The following BCAS1 variants were observed in gnomAD, a reference collection of about 807,000 sequenced individuals.
BCAS1 encodes breast carcinoma-amplified sequence 1.
A neutral mutation model predicts 65.4 loss-of-function variants in BCAS1; 46 were observed. The observed-to-expected ratio is 0.70, with a 90% CI of 0.55 to 0.90. The LOEUF (loss-of-function observed/expected upper bound fraction) is 0.90. BCAS1 is among the 40% of genes least tolerant of loss of function. The pLI is 0.00. For missense variants in BCAS1, 793 were observed against 771.2 expected (o/e 1.03, Z -0.33); for synonymous variants, 298 against 293.5 (o/e 1.02, Z -0.16).
At chr20:54,055,494 A>G (rs747676974) in intron 3 of BCAS1, among the ~76,000 whole-genome samples, 28 of 152,194 alleles carry the variant, frequency 1.8e-4, no homozygotes, top group Non-Finnish European at 2.9e-4. Flanking sequence ...TACCATGAAA[A>G]CAGTATGGGG....
intron 8 of BCAS1, among the ~76,000 whole-genome samples, chr20:53,979,194 T>C (rs2090414424): frequency 6.6e-6 from 1 of 152,182 alleles, no homozygotes; most frequent in South Asian, 2.1e-4. Flanking sequence ...CTATAGGCTT[T>C]TCTACAAGCC....
chr20:53,991,704 T>A (rs539103263), intron 7 of BCAS1, among the ~76,000 whole-genome samples: 1 of 152,316 alleles, frequency 6.6e-6, no homozygotes, highest in South Asian at 2.1e-4. Context: ...CCGCCTGGAC[T>A]TTTATTTGGG....
intron 1 of BCAS1, among the ~76,000 whole-genome samples, chr20:54,061,986 A>G (rs2092381956): frequency 1.3e-5 from 2 of 152,240 alleles, no homozygotes; most frequent in South Asian, 4.1e-4. Flanking sequence ...TAGAAGAATC[A>G]TAGAATGTGA....
intron 1 of BCAS1, among the ~76,000 whole-genome samples, chr20:54,065,156 C>CTATCTATG (rs2092422818): frequency 7.3e-6 from 1 of 136,290 alleles, no homozygotes; most frequent in East Asian, 2.5e-4. Context: ...ATCTATCTAT[C>CTATCTATG]TATCTATCAT....
At chr20:54,000,983 A>T (rs2091042255) in intron 4 of BCAS1, among the ~76,000 whole-genome samples, 1 of 152,010 alleles carries the variant, frequency 6.6e-6, no homozygotes, top group Non-Finnish European at 1.5e-5. Context: ...CATGAGTTAC[A>T]TTTTCCTGCT....
chr20:53,978,433 A>AT (rs1212220447), intron 8 of BCAS1, among the ~76,000 whole-genome samples: 1 of 152,212 alleles, frequency 6.6e-6, no homozygotes, highest in African/African-American at 2.4e-5. Context: ...TGCTGTAAAT[A>AT]GTAGTACGTA....
chr20:54,021,257 G>A (rs780159488), intron 4 of BCAS1, among the ~76,000 whole-genome samples: 24 of 151,602 alleles, frequency 1.6e-4, no homozygotes, highest in Admixed American at 1.2e-3. Flanking sequence ...CACATACATC[G>A]GAAATATTAC....
intron 3 of BCAS1, among the ~76,000 whole-genome samples, chr20:54,054,767 T>C (rs1287706439): frequency 6.6e-6 from 1 of 152,246 alleles, no homozygotes; most frequent in Non-Finnish European, 1.5e-5. Flanking sequence ...TCCCTCGTCA[T>C]GTGCAGGTGT....
At chr20:54,060,574 G>A (rs947084953) in intron 1 of BCAS1, among the ~76,000 whole-genome samples, 10 of 151,410 alleles carry the variant, frequency 6.6e-5, no homozygotes, top group African/African-American at 2.4e-4. Context: ...CACCCGCCTT[G>A]GCCTCCCAAA....
At chr20:54,048,372 T>C (rs1369317577) in intron 3 of BCAS1, among the ~76,000 whole-genome samples, 1 of 152,140 alleles carries the variant, frequency 6.6e-6, no homozygotes, top group Admixed American at 6.5e-5. Flanking sequence ...CACTTGCATC[T>C]CAAAGAGATG....
At chr20:54,037,337 A>T (rs2091916716) in intron 3 of BCAS1, among the ~76,000 whole-genome samples, 1 of 151,412 alleles carries the variant, frequency 6.6e-6, no homozygotes, top group Non-Finnish European at 1.5e-5. Context: ...GAACTCACTT[A>T]CTTTTATGAG....
At position 54,028,713 on chromosome 20, in the gene BCAS1, T is replaced by C. The variant is rs561920968; in HGVS notation, c.402A>G (p.Pro134=). ...CCACCGGAAGTGTCCAGCTCTCACT[T>C]GGGTCTTTGTTCGCTGGAGCTTTAT... ...SSNKAPANKD[P]SESWTLPVAA... is the part of the protein sequence containing the mutation. The change falls in exon 4 of 13, where the codon CCA becomes CCG. Residue 134 remains proline, a synonymous_variant. Transcript: ENST00000688948. 9.3e-6 allele frequency: 15 copies of C among 1,614,172 alleles called. No homozygotes were observed. In the East Asian group the frequency reaches 2.0e-4, roughly 22 times the overall value.
intron 7 of BCAS1, 62 bp downstream of exon 7, chr20:53,992,450 T>G: frequency 7.5e-7 from 1 of 1,332,382 alleles, no homozygotes. Flanking sequence ...GGGCTCAGGA[T>G]GGCACATGTC....
intron 7 of BCAS1, among the ~76,000 whole-genome samples, chr20:53,987,263 T>G (rs767243520): frequency 6.6e-6 from 1 of 152,254 alleles, no homozygotes; most frequent in Non-Finnish European, 1.5e-5. Context: ...AATTTTGTGA[T>G]AGTTGATACT....
chr20:54,019,247 A>G (rs768155735), intron 4 of BCAS1, among the ~76,000 whole-genome samples: 4 of 152,220 alleles, frequency 2.6e-5, no homozygotes, highest in Non-Finnish European at 4.4e-5. Flanking sequence ...AAATTGAGCT[A>G]CCTTGTTAGA....
chr20:53,977,228 C>A (rs2090358205), intron 8 of BCAS1, among the ~76,000 whole-genome samples: 1 of 152,156 alleles, frequency 6.6e-6, no homozygotes. Context: ...CCTTTGACAC[C>A]TGGGGATTAT....
chr20:54,045,470 A>C (rs2092085910), intron 3 of BCAS1, among the ~76,000 whole-genome samples: 1 of 152,214 alleles, frequency 6.6e-6, no homozygotes, highest in African/African-American at 2.4e-5. Context: ...AAATGTCTGT[A>C]TGGGGCTAGT....
At chr20:54,002,600 C>A (rs1446699119) in intron 4 of BCAS1, among the ~76,000 whole-genome samples, 1 of 152,016 alleles carries the variant, frequency 6.6e-6, no homozygotes, top group Admixed American at 6.6e-5. Context: ...GAAGTGAGCT[C>A]CCTAAATTTG....
At chr20:53,977,399 A>G (rs1399266300) in intron 8 of BCAS1, among the ~76,000 whole-genome samples, 1 of 152,224 alleles carries the variant, frequency 6.6e-6, no homozygotes, top group Non-Finnish European at 1.5e-5. Context: ...AGACCTCCTC[A>G]AGGCCGGCCC....
Sources: gnomAD v4.1 joint callset for allele counts (sites outside exome capture counted in the v4.1 genomes callset) on GRCh38, gnomAD v4.1.1 for gene constraint, MANE v1.5 for transcripts, NCBI Gene and HGNC (gene_info 2026-07-23, HGNC 2026-07-21) for gene names.